The following MRM1 variants were observed in gnomAD, a reference collection of about 807,000 sequenced individuals.
MRM1 encodes rRNA methyltransferase 1, mitochondrial.
Under a neutral mutation model 25.0 loss-of-function variants are expected in MRM1, and 24 were observed. That is an observed-to-expected ratio of 0.96 (90% CI 0.69 to 1.35). MRM1 has a LOEUF of 1.35. Ranked by LOEUF, MRM1 falls within the 40% of genes most tolerant of loss-of-function variation. The pLI, the probability that MRM1 is intolerant of heterozygous loss-of-function variation, is 0.00. For missense variants in MRM1, 431 were observed against 464.1 expected (o/e 0.93, Z 0.65); for synonymous variants, 188 against 199.2 (o/e 0.94, Z 0.47).
chr17:36,632,279 G>A, the MRM1 span, among the ~76,000 whole-genome samples: 1 of 152,196 alleles, frequency 6.6e-6, no homozygotes, highest in East Asian at 1.9e-4. Flanking sequence ...CAGGCAGGGT[G>A]CAGCTTGGGC....
chr17:36,608,580 CTGTTTCCTGT>C lies in MRM1; in HGVS notation c.*169_*178del, dbSNP rs1047724650. 4.4e-6 allele frequency: 2 copies of C among 452,336 alleles called. No individual in the cohort carries two copies. Among genetic ancestry groups the C allele is most frequent in the African/African-American group, 4.0e-5 (2 of 49,648 alleles). The allele number at this position is 452,336 out of a possible 1,614,324, so 28.0% of individuals were successfully genotyped here. A position where few individuals can be genotyped will look rare whatever the true frequency, so the allele number is the denominator to read the frequency against. The stretch of plus-strand genomic sequence containing the variant: ...GGACTGCGGTGGACACCAGAGGAAG[CTGTTTCCTGT>C]TGTGATGTTGGACCTGTAGTAGGAC... On this transcript the variant is annotated 3_prime_UTR_variant, in exon 5 of 5. Transcript: ENST00000614766.
downstream of MRM1, among the ~76,000 whole-genome samples, chr17:36,611,607 G>A (rs566748407): frequency 2.2e-4 from 33 of 152,096 alleles, no homozygotes; most frequent in Non-Finnish European, 4.6e-4. Context: ...AGAGATTAAC[G>A]TTTACATTGG....
downstream of MRM1, among the ~76,000 whole-genome samples, chr17:36,609,316 C>T (rs999009824): frequency 2.0e-5 from 3 of 152,186 alleles, no homozygotes; most frequent in African/African-American, 4.8e-5. Context: ...CTTTAAAAAA[C>T]CCAACACTGA....
chr17:36,608,164 G>A, intron 4 of MRM1, 79 bp from the exon 5 acceptor site: 1 of 1,518,248 alleles, frequency 6.6e-7, no homozygotes, highest in Non-Finnish European at 8.9e-7. Context: ...GATGAGATGA[G>A]GGGCTGCCTG....
the MRM1 span, among the ~76,000 whole-genome samples, chr17:36,616,938 C>A: frequency 6.6e-6 from 1 of 152,184 alleles, no homozygotes; most frequent in Non-Finnish European, 1.5e-5. Flanking sequence ...GTTGCCCAGG[C>A]TGGCCTTGAA....
chr17:36,623,348 G>A, the MRM1 span, among the ~76,000 whole-genome samples: 1 of 152,220 alleles, frequency 6.6e-6, no homozygotes, highest in South Asian at 2.1e-4. Context: ...TGTGCAAACA[G>A]TGACACTTCA....
chr17:36,634,045 G>A, the MRM1 span: 2 of 152,254 alleles, frequency 1.3e-5, no homozygotes, highest in Non-Finnish European at 2.9e-5. Flanking sequence ...TGGGGCCCTA[G>A]GGTGGGTGGG....
chr17:36,631,693 G>T, the MRM1 span, among the ~76,000 whole-genome samples: 1 of 152,248 alleles, frequency 6.6e-6, no homozygotes, highest in Non-Finnish European at 1.5e-5. Context: ...GTTCATGTTA[G>T]GAGTCTGTCC....
At position 36,602,983 on chromosome 17, in the gene MRM1, C is replaced by G. The variant is rs181597068; in HGVS notation, c.636+337C>G. 5 of 985,360 alleles carry G rather than the reference C, an allele frequency of 5.1e-6. No homozygotes were observed. The African/African-American group carries it at 7.0e-5, about 14-fold the overall frequency. 61.0% of individuals were successfully genotyped at this position (985,360 alleles called of 1,614,324 possible). On this transcript the variant is annotated intron_variant, in intron 2 of 4. Transcript: ENST00000614766. The surrounding 1 kb of genome is among the most constrained non-coding windows in gnomAD (Gnocchi z 4.1). The stretch of plus-strand genomic sequence containing the variant: ...GCTGTGGGGAGCTGCGTACAGGAGA[C>G]CTGAGTTCCTCGAATAGGGCACAGC...
At chr17:36,608,112 C>A in intron 4 of MRM1, 94 bp downstream of exon 4, 1 of 1,545,256 alleles carries the variant, frequency 6.5e-7, no homozygotes, top group South Asian at 1.2e-5. Flanking sequence ...GTTTGTGTGC[C>A]TCAGTTGCTT....
intron 2 of MRM1, among the ~76,000 whole-genome samples, chr17:36,606,922 T>G (rs1036154505): frequency 6.7e-6 from 1 of 150,090 alleles, no homozygotes; most frequent in African/African-American, 2.5e-5. Context: ...TTTGTTTTTT[T>G]TTTTAATTTG....
chr17:36,627,834 C>T, the MRM1 span, among the ~76,000 whole-genome samples: 1 of 152,004 alleles, frequency 6.6e-6, no homozygotes, highest in South Asian at 2.1e-4. Context: ...CCACCACGCC[C>T]AGCTGATTTT....
chr17:36,602,303 T>G lies in MRM1; in HGVS notation c.493T>G (p.Ser165Ala). The change falls in exon 1 of 5, where the codon TCC (serine) becomes GCC (alanine). Residue 165 changes from serine (S) to alanine (A), a missense_variant. By Grantham distance (99) the Ser-to-Ala change is moderately conservative. Transcript: ENST00000614766. This position sits in a 1 kb window ranked among gnomAD's most constrained non-coding sequence, Gnocchi z 4.1. ...DPRNFGAVLR[S>A]AHFLGVDKVI... The stretch of plus-strand genomic sequence containing the variant: ...CCGGAATTTTGGGGCTGTGCTGCGT[T>G]CCGCACACTTCCTCGGAGTGGATAA... The G allele has an allele frequency of 6.3e-7, 1 of 1,590,728 alleles. No individual in the cohort carries two copies. The highest frequency in any genetic ancestry group is 1.1e-5 in the South Asian group (1 of 89,820).
chr17:36,623,508 G>A, the MRM1 span, among the ~76,000 whole-genome samples: 1 of 152,138 alleles, frequency 6.6e-6, no homozygotes, highest in African/African-American at 2.4e-5. Flanking sequence ...AGTTATGTAG[G>A]GCAGATGATA....
chr17:36,632,975 C>T, the MRM1 span, among the ~76,000 whole-genome samples: 1 of 152,104 alleles, frequency 6.6e-6, no homozygotes, highest in Non-Finnish European at 1.5e-5. Context: ...TGCGGTAAAA[C>T]GGAAAGGGCG....
chr17:36,615,156 C>G, the MRM1 span, among the ~76,000 whole-genome samples: 1 of 152,328 alleles, frequency 6.6e-6, no homozygotes, highest in African/African-American at 2.4e-5. Flanking sequence ...GCCATGTGCC[C>G]TCTCGGTCAC....
At chr17:36,607,242 G>A (rs760399924) in intron 2 of MRM1, among the ~76,000 whole-genome samples, 1 of 152,118 alleles carries the variant, frequency 6.6e-6, no homozygotes, top group Non-Finnish European at 1.5e-5. Context: ...CCTGACCTCA[G>A]GTAATCTGCC....
downstream of MRM1, among the ~76,000 whole-genome samples, chr17:36,610,628 T>C (rs986407064): frequency 6.6e-6 from 1 of 152,164 alleles, no homozygotes; most frequent in African/African-American, 2.4e-5. Flanking sequence ...TTGAGCTCCC[T>C]GTCCCTGACT....
intron 2 of MRM1, chr17:36,603,339 A>T: frequency 5.5e-6 from 2 of 362,892 alleles, no homozygotes; most frequent in Non-Finnish European, 7.7e-6. Context: ...TGACATTTTA[A>T]ATAAATTGTG....
Sources: gnomAD v4.1 joint callset for allele counts (sites outside exome capture counted in the v4.1 genomes callset) on GRCh38, gnomAD v4.1.1 for gene constraint, Gnocchi (gnomAD v3.1) non-coding constraint, MANE v1.5 for transcripts, NCBI Gene and HGNC (gene_info 2026-07-23, HGNC 2026-07-21) for gene names.